TENM2: variants seen among roughly 807,000 people sequenced by gnomAD.
TENM2 encodes the protein teneurin-2.
In TENM2, 52 loss-of-function variants were observed where a neutral mutation model predicts 245.2. That is an observed-to-expected ratio of 0.21 (90% confidence interval 0.17 to 0.27). The LOEUF is 0.27. Ranked by LOEUF, TENM2 falls within the 10% of genes least tolerant of loss-of-function variation. TENM2 has a pLI of 1.00. For synonymous variants in TENM2, 1,363 were observed against 1,438.9 expected, an observed-to-expected ratio of 0.95 and a Z score of 1.19; for missense variants, 3,046 against 3,666.8, an observed-to-expected ratio of 0.83 and a Z score of 4.37.
At chr5:166,980,112 T>C in the TENM2 span, among the ~76,000 whole-genome samples, 1 of 152,178 alleles carries the variant, frequency 6.6e-6, no homozygotes, top group Non-Finnish European at 1.5e-5. Context: ...CAGGAGGCAA[T>C]AATAGACACC....
chr5:166,991,372 G>T, the TENM2 span, among the ~76,000 whole-genome samples: 10 of 147,876 alleles, frequency 6.8e-5, no homozygotes, highest in African/African-American at 1.7e-4. Flanking sequence ...TGTGCGTATG[G>T]TTTTTTTTTT....
chr5:167,235,955 G>T, the TENM2 span, among the ~76,000 whole-genome samples: 2 of 152,142 alleles, frequency 1.3e-5, no homozygotes, highest in Non-Finnish European at 2.9e-5. Context: ...TTTATTGCAG[G>T]CAGGAAGAAG....
chr5:167,263,514 A>G, the TENM2 span, among the ~76,000 whole-genome samples: 1 of 152,142 alleles, frequency 6.6e-6, no homozygotes, highest in Non-Finnish European at 1.5e-5. Flanking sequence ...TCTACCCATT[A>G]TTCTTTATAT....
At chr5:167,690,970 T>TGTAG (rs143481347) in intron 2 of TENM2, among the ~76,000 whole-genome samples, 414 of 142,224 alleles carry the variant, frequency 2.9e-3, no homozygotes, top group African/African-American at 0.01. Context: ...TGTGTGTGTG[T>TGTAG]AGAGAGAGAG....
At chr5:167,845,696 C>G (rs1242637623) in intron 2 of TENM2, among the ~76,000 whole-genome samples, 1 of 152,176 alleles carries the variant, frequency 6.6e-6, no homozygotes, top group Non-Finnish European at 1.5e-5. Context: ...AGCTTTAGAG[C>G]TGTAGGGTTT....
At chr5:167,814,892 C>A (rs1583078644) in intron 2 of TENM2, among the ~76,000 whole-genome samples, 1 of 152,076 alleles carries the variant, frequency 6.6e-6, no homozygotes, top group South Asian at 2.1e-4. Context: ...AGAACAAATA[C>A]CCAGAATGTG....
At chr5:167,510,895 A>C (rs1769905433) in intron 2 of TENM2, among the ~76,000 whole-genome samples, 1 of 152,050 alleles carries the variant, frequency 6.6e-6, no homozygotes. Context: ...GCTTTTTGTC[A>C]TTTTGTGATG....
At chr5:167,373,759 G>T (rs1281662828) in intron 1 of TENM2, among the ~76,000 whole-genome samples, 1 of 152,208 alleles carries the variant, frequency 6.6e-6, no homozygotes, top group Non-Finnish European at 1.5e-5. Context: ...GTGTGCCCAG[G>T]TGTGACCTTG....
the TENM2 span, among the ~76,000 whole-genome samples, chr5:167,210,371 A>G: frequency 6.6e-6 from 1 of 152,032 alleles, no homozygotes; most frequent in African/African-American, 2.4e-5. Flanking sequence ...AATTTGTCCT[A>G]CCTAAAAAGA....
At chr5:167,825,875 A>C (rs1208767734) in intron 2 of TENM2, among the ~76,000 whole-genome samples, 2 of 151,922 alleles carry the variant, frequency 1.3e-5, no homozygotes, top group African/African-American at 2.4e-5. Flanking sequence ...TAAAAAAAAA[A>C]AAAAACAACT....
chr5:167,103,383 T>G, the TENM2 span, among the ~76,000 whole-genome samples: 1 of 152,238 alleles, frequency 6.6e-6, no homozygotes, highest in African/African-American at 2.4e-5. Context: ...GAATAAAGTT[T>G]CAGGAAGTTT....
chr5:167,224,723 A>C, the TENM2 span, among the ~76,000 whole-genome samples: 1 of 151,850 alleles, frequency 6.6e-6, no homozygotes, highest in Non-Finnish European at 1.5e-5. Flanking sequence ...TTTCTGTGAA[A>C]ATTTTTCTGT....
At chr5:167,733,357 G>T (rs932057595) in intron 2 of TENM2, among the ~76,000 whole-genome samples, 10 of 151,258 alleles carry the variant, frequency 6.6e-5, no homozygotes, top group Non-Finnish European at 1.5e-4. Flanking sequence ...AACATCTGAT[G>T]ATTTGATTTC....
chr5:167,894,463 T>G (rs372806793), intron 3 of TENM2, among the ~76,000 whole-genome samples: 3,832 of 56,558 alleles, frequency 0.068, 167 homozygotes, highest in African/African-American at 0.13. Context: ...CTCCCCACTC[T>G]GTGACTAGAC....
the TENM2 span, among the ~76,000 whole-genome samples, chr5:167,181,475 T>TGTGG: frequency 7.2e-6 from 1 of 138,086 alleles, no homozygotes; most frequent in Non-Finnish European, 1.6e-5. Flanking sequence ...TTTGTGTGTG[T>TGTGG]GTGTGTGTGT....
chr5:168,198,734 A>G, intron 15 of TENM2, 119 bp from the exon 18 acceptor site: 1 of 1,311,636 alleles, frequency 7.6e-7, no homozygotes, highest in South Asian at 1.4e-5. Flanking sequence ...TCTGCCTCCA[A>G]AGCCCATGGT....
intron 2 of TENM2, among the ~76,000 whole-genome samples, chr5:167,857,168 T>TA (rs1416067102): frequency 6.6e-6 from 1 of 152,224 alleles, no homozygotes; most frequent in African/African-American, 2.4e-5. Context: ...GAAGCCATGA[T>TA]ACCAAGTGGA....
At chr5:167,700,765 G>T (rs1424595214) in intron 2 of TENM2, among the ~76,000 whole-genome samples, 1 of 152,018 alleles carries the variant, frequency 6.6e-6, no homozygotes, top group African/African-American at 2.4e-5. Flanking sequence ...AGTTGATTGT[G>T]GATATCACAA....
At chr5:167,974,094 GGAAGGAAGGGAGGAAA>G in intron 4 of TENM2, among the ~76,000 whole-genome samples, 1 of 10,706 alleles carries the variant, frequency 9.3e-5, no homozygotes. Flanking sequence ...AGGAAGGGAA[GGAAGGAAGGGAGGAAA>G]GGAGGGAGGA....
Sources: gnomAD v4.1 joint callset for allele counts (sites outside exome capture counted in the v4.1 genomes callset) on GRCh38, gnomAD v4.1.1 for gene constraint, MANE v1.5 for transcripts, NCBI Gene and HGNC (gene_info 2026-07-23, HGNC 2026-07-21) for gene names.